Variants in ALMS1 observed in about 807,000 individuals in gnomAD.
ALMS1 encodes the protein ALMS1 centrosome and basal body associated protein, also known as centrosome-associated protein ALMS1.
Under a neutral mutation model 352.2 loss-of-function variants are expected in ALMS1, and 271 were observed. The observed-to-expected ratio is 0.77, with a 90% CI of 0.70 to 0.85. The LOEUF is 0.85. Ranked by LOEUF, ALMS1 falls within the 40% of genes least tolerant of loss-of-function variation. ALMS1 has a pLI of 0.00. For missense variants in ALMS1, 5,445 were observed against 4,870.7 expected, an observed-to-expected ratio of 1.12 and a Z score of -3.51; for synonymous variants, 1,865 against 1,761.2, an observed-to-expected ratio of 1.06 and a Z score of -1.48.
At chr2:73,538,083 TG>T in intron 12 of ALMS1, among the ~76,000 whole-genome samples, 1 of 152,246 alleles carries the variant, frequency 6.6e-6, no homozygotes, top group East Asian at 1.9e-4. Context: ...TCAAAACTTT[TG>T]TACACAAAAC....
chr2:73,458,706 G>A (rs1672124237), intron 9 of ALMS1: 1 of 152,258 alleles, frequency 6.6e-6, no homozygotes, highest in Non-Finnish European at 1.5e-5. Context: ...CTGAGGTAAA[G>A]TGTGTGAAAG....
Position 73,534,966 on chromosome 2 carries a change from A to T in ALMS1, c.9907+17A>T, listed in dbSNP as rs772675597. 4.3e-6 allele frequency: 7 copies of T among 1,613,346 alleles called. No homozygotes were observed. Among genetic ancestry groups the T allele is most frequent in the Middle Eastern group, 1.7e-4 (1 of 6,058 alleles). On this transcript the variant is annotated intron_variant, in intron 12 of 22. Transcript: ENST00000613296. ...CCCATTCAGGTATTATGCAGAAATT[A>T]TTCGAAGTTTTATTGTTTGATATTT...
Position 73,452,910 on chromosome 2 carries a change from C to T in ALMS1, c.6383C>T (p.Ala2128Val). 1 of 1,613,814 alleles carries T rather than the reference C, an allele frequency of 6.2e-7. No homozygotes were observed. Among genetic ancestry groups the T allele is most frequent in the Non-Finnish European group, 8.5e-7 (1 of 1,179,962 alleles). Reference sequence around the variant, plus strand: ...AAGGTTTCAACAATTCCTGGACCAGCTGGCCAGAAAACAGTATTACCAACA... The same window carrying T: ...AAGGTTTCAACAATTCCTGGACCAGTTGGCCAGAAAACAGTATTACCAACA... ...VLKVSTIPGP[A>V]GQKTVLPTAL... The change falls in exon 8 of 23, where the codon GCT becomes GTT. Residue 2128 changes from alanine to valine, a missense_variant. By Grantham distance (64) the Ala-to-Val change is moderately conservative. Transcript: ENST00000613296.
chr2:73,602,167 CT>C lies in ALMS1; in HGVS notation c.12115-8del, dbSNP rs748193431. On this transcript the variant is annotated splice_polypyrimidine_tract_variant and intron_variant, in intron 19 of 22. Coordinates refer to ENST00000613296, the MANE Select transcript of ALMS1 (RefSeq NM_001378454.1). ...ATTAATCTGAGGCTGGGCATTTTCT[CT>C]TTTTTTTTTCTTTTAGGAATCGCTT... 1,381 of 1,450,730 alleles carry C rather than the reference CT, an allele frequency of 9.5e-4. 1 individual carries two copies. Among genetic ancestry groups the C allele is most frequent in the African/African-American group, 5.7e-3 (404 of 70,592 alleles). 89.9% of individuals were successfully genotyped at this position (1,450,730 alleles called of 1,614,324 possible). A position where few individuals can be genotyped will look rare whatever the true frequency, so the allele number is the denominator to read the frequency against.
At chr2:73,506,477 T>G (rs867750691) in intron 10 of ALMS1, among the ~76,000 whole-genome samples, 1 of 152,244 alleles carries the variant, frequency 6.6e-6, no homozygotes, top group Admixed American at 6.5e-5. Context: ...CAGTGGTTTG[T>G]AGGTCTCCTT....
Position 73,538,218 on chromosome 2 carries a change from A to G in ALMS1, c.9907+3269A>G, listed in dbSNP as rs1674074021. Among the ~76,000 whole-genome samples the G allele has an allele frequency of 2.0e-5, 3 of 152,262 alleles. No homozygotes were observed. The South Asian group carries it at 6.2e-4, about 32-fold the overall frequency. On this transcript the variant is annotated intron_variant, in intron 12 of 22. Transcript: ENST00000613296. ...CTTACAACTCAACAACAATAACCCA[A>G]ACAATCTGATTCATAAATGGGCACA...
intron 12 of ALMS1, among the ~76,000 whole-genome samples, chr2:73,543,750 A>G (rs1674245957): frequency 6.6e-6 from 1 of 152,248 alleles, no homozygotes; most frequent in African/African-American, 2.4e-5. Context: ...TATGCAGCCA[A>G]CAGACATGAA....
intron 15 of ALMS1, among the ~76,000 whole-genome samples, chr2:73,565,802 T>C (rs549306432): frequency 6.6e-6 from 1 of 152,250 alleles, no homozygotes; most frequent in South Asian, 2.1e-4. Flanking sequence ...TGAGACAAAC[T>C]CAAATGAAGG....
At chr2:73,472,531 C>A (rs1170528693) in intron 9 of ALMS1, among the ~76,000 whole-genome samples, 1 of 151,948 alleles carries the variant, frequency 6.6e-6, no homozygotes, top group South Asian at 2.1e-4. Flanking sequence ...AACTCTAGGG[C>A]TCTTGCAAAA....
intron 1 of ALMS1, among the ~76,000 whole-genome samples, chr2:73,401,120 CTTATT>C (rs1670864591): frequency 6.6e-6 from 1 of 152,226 alleles, no homozygotes; most frequent in African/African-American, 2.4e-5. Flanking sequence ...CATCCTTTAT[CTTATT>C]TTATTAGCCT....
intron 1 of ALMS1, among the ~76,000 whole-genome samples, chr2:73,395,765 A>G (rs894108051): frequency 6.6e-6 from 1 of 152,084 alleles, no homozygotes; most frequent in Non-Finnish European, 1.5e-5. Flanking sequence ...TCCAATCTGG[A>G]TGCCTTTTAT....
chr2:73,434,488 G>A (rs889520560), intron 7 of ALMS1, among the ~76,000 whole-genome samples: 37 of 152,082 alleles, frequency 2.4e-4, no homozygotes, highest in African/African-American at 8.5e-4. Context: ...ATTGAGGCTC[G>A]TTTTATGTTT....
intron 7 of ALMS1, among the ~76,000 whole-genome samples, chr2:73,445,082 T>C (rs1671784594): frequency 6.6e-6 from 1 of 152,036 alleles, no homozygotes; most frequent in African/African-American, 2.4e-5. Context: ...TGCCAGACTT[T>C]TTAAAAAAAA....
chr2:73,591,531 A>T (rs1224261065), intron 16 of ALMS1, among the ~76,000 whole-genome samples: 1 of 152,234 alleles, frequency 6.6e-6, no homozygotes, highest in African/African-American at 2.4e-5. Context: ...ACATATGGAC[A>T]CCTTATAAAA....
At chr2:73,419,453 T>A in intron 3 of ALMS1, 135 bp downstream of exon 3, 1 of 791,148 alleles carries the variant, frequency 1.3e-6, no homozygotes, top group South Asian at 1.6e-5. Context: ...AGCTTATTTC[T>A]GTTTTGTTTG....
intron 8 of ALMS1, 78 bp downstream of exon 8, chr2:73,454,145 G>A: frequency 6.5e-7 from 1 of 1,530,566 alleles, no homozygotes; most frequent in Non-Finnish European, 8.8e-7. Flanking sequence ...TTTTGAGGAA[G>A]CTTAGCCAAT....
At position 73,407,947 on chromosome 2, in the gene ALMS1, AT is replaced by A. The variant is rs566687150; in HGVS notation, c.325-665del. Among the ~76,000 whole-genome samples the A allele has an allele frequency of 1.6e-4, 24 of 148,278 alleles. No homozygotes were observed. In the South Asian group the frequency reaches 3.4e-3, roughly 21 times the overall value. On this transcript the variant is annotated intron_variant, in intron 1 of 22. Transcript: ENST00000613296. ...TAATCGGATTTTTAGTAAGAGGGTT[AT>A]TTTTTTTTTCTCTTTGTGTGCATTC...
intron 9 of ALMS1, among the ~76,000 whole-genome samples, chr2:73,479,357 A>G (rs536652227): frequency 6.6e-6 from 1 of 152,316 alleles, no homozygotes; most frequent in African/African-American, 2.4e-5. Flanking sequence ...ACCTTATAAT[A>G]GCTACTTCCA....
intron 12 of ALMS1, among the ~76,000 whole-genome samples, chr2:73,539,206 C>A (rs545803460): frequency 6.6e-6 from 1 of 152,190 alleles, no homozygotes; most frequent in Admixed American, 6.5e-5. Flanking sequence ...AACGATCAGG[C>A]GGCAACATTT....
Sources: allele counts gnomAD v4.1 joint callset (sites outside exome capture counted in the v4.1 genomes callset), GRCh38; gene constraint gnomAD v4.1.1; transcripts MANE v1.5; gene names NCBI Gene and HGNC (gene_info 2026-07-23, HGNC 2026-07-21).